Variants in WDR11 observed in about 807,000 individuals in gnomAD.
WDR11 encodes the protein WD repeat domain 11, also known as WD repeat-containing protein 11.
Under a neutral mutation model 151.2 loss-of-function variants are expected in WDR11, and 83 were observed. The ratio of observed to expected loss-of-function variants is 0.55; its 90% CI spans 0.46 to 0.66. The LOEUF (loss-of-function observed/expected upper bound fraction) is 0.66, where lower values mean the gene tolerates loss of function less well. WDR11 is among the 30% of genes least tolerant of loss of function. The probability of loss-of-function intolerance (pLI) is 0.00; values close to 1 mark genes in which losing one functional copy is unlikely to be tolerated. For synonymous variants in WDR11, 484 were observed against 533.1 expected (o/e 0.91, Z 1.27); for missense variants, 1,301 against 1,480.9 (o/e 0.88, Z 1.99).
chr10:120,886,471 TTC>T (rs1847221299), intron 15 of WDR11, among the ~76,000 whole-genome samples: 2 of 152,170 alleles, frequency 1.3e-5, no homozygotes, highest in Non-Finnish European at 2.9e-5. Context: ...AGATCACCAT[TTC>T]TCTCTGTGCA....
At position 120,901,716 on chromosome 10, in the gene WDR11, AG is replaced by A. The variant is rs549452373; in HGVS notation, c.2688-540del. On this transcript the variant is annotated intron_variant, in intron 21 of 28. Transcript: ENST00000263461. ...TATTGACGGAAAATTCAAAATAATTAGTTTTTTCTATGCAAAGATTAACATT... is the reference window on the plus strand; with the variant it reads ...TATTGACGGAAAATTCAAAATAATTATTTTTTCTATGCAAAGATTAACATT... 6.6e-5 allele frequency among the ~76,000 whole-genome samples: 10 copies of A among 152,388 alleles called. No individual in the cohort carries two copies. The South Asian group carries it at 1.2e-3, about 19-fold the overall frequency.
At chr10:120,901,000 G>A (rs751291426) in intron 20 of WDR11, 36 bp from the exon 21 acceptor site, 1 of 1,394,980 alleles carries the variant, frequency 7.2e-7, no homozygotes, top group East Asian at 2.3e-5. Context: ...TTTAAGTGAA[G>A]AGATAATGAA....
intron 19 of WDR11, among the ~76,000 whole-genome samples, chr10:120,896,508 A>C (rs1297422872): frequency 2.0e-5 from 3 of 152,222 alleles, no homozygotes; most frequent in African/African-American, 7.2e-5. Context: ...ACTGTGTAAC[A>C]ACAATATTGG....
chr10:120,854,218 C>CTACTT (rs1201656800), intron 2 of WDR11, among the ~76,000 whole-genome samples: 1 of 152,082 alleles, frequency 6.6e-6, no homozygotes, highest in African/African-American at 2.4e-5. Flanking sequence ...AACCACTGAC[C>CTACTT]TACTTTCTGT....
chr10:120,874,191 TTGTTGTTGTTGTTGTTGTTTG>T (rs1309111141), intron 11 of WDR11, among the ~76,000 whole-genome samples: 16 of 63,662 alleles, frequency 2.5e-4, no homozygotes, highest in East Asian at 8.0e-4. Context: ...TTTTTTTTTT[TTGTTGTTGTTGTTGTTGTTTG>T]TTTTGTTTTG....
chr10:120,894,528 C>T (rs935140012), intron 19 of WDR11, among the ~76,000 whole-genome samples: 11 of 152,156 alleles, frequency 7.2e-5, no homozygotes, highest in East Asian at 5.8e-4. Context: ...TCTTTTTCAC[C>T]GTTCATTGAA....
chr10:120,865,220 CA>C lies in WDR11; in HGVS notation c.879+10del, dbSNP rs1648169107. 1.2e-6 allele frequency: 2 copies of C among 1,613,076 alleles called. No individual in the cohort carries two copies. The highest frequency in any genetic ancestry group is 1.7e-6 in the Non-Finnish European group (2 of 1,179,168). On this transcript the variant is annotated intron_variant, in intron 6 of 28. Coordinates refer to ENST00000263461, the MANE Select transcript of WDR11 (RefSeq NM_018117.12). ...GGAGTTCCATTTTTACAGGTATCTA[CA>C]ATTCATAAATTATATTCCCCAAAAT...
Position 120,866,657 on chromosome 10 carries a change from G to C in WDR11, c.1083G>C (p.Met361Ile), listed in dbSNP as rs1846323598. 1 of 1,614,054 alleles carries C rather than the reference G, an allele frequency of 6.2e-7. No homozygotes were observed. Residue 361 changes from methionine (M) to isoleucine (I), a missense_variant, in exon 8 of 29, where the codon ATG becomes ATC. Met to Ile is a conservative substitution (Grantham distance 10). Transcript: ENST00000263461. ...CAAAAACCGTCCGTCCCTTCAGTAT[G>C]GTGTGCTGTCCTGTCAATGAGAATG... Reference protein sequence around the residue: ...RVTKTVRPFSMVCCPVNENAA... With the variant: ...RVTKTVRPFSIVCCPVNENAA...
At chr10:120,864,810 A>G (rs573288719) in intron 5 of WDR11, among the ~76,000 whole-genome samples, 3 of 152,262 alleles carry the variant, frequency 2.0e-5, no homozygotes, top group South Asian at 2.1e-4. Flanking sequence ...CTACTACTTA[A>G]TATTTCAAAA....
At position 120,865,056 on chromosome 10, in the gene WDR11, C is replaced by T. The variant is rs754756522; in HGVS notation, c.723C>T (p.Phe241=). 2.5e-6 allele frequency: 4 copies of T among 1,613,838 alleles called. No homozygotes were observed. In the South Asian group the frequency reaches 4.4e-5, roughly 18 times the overall value. Residue 241 remains phenylalanine (F), a synonymous_variant, in exon 6 of 29, where the codon TTC becomes TTT. Transcript: ENST00000263461. ...TGTTTACTTTTTTCAGTGCTGAATT[C>T]ATAACTCTCAATGATTGCCTTCAGT... ...LITQEKPSAE[F]ITLNDCLQLA... is the part of the protein sequence containing the mutation.
chr10:120,859,016 A>G (rs1846041460), intron 3 of WDR11, among the ~76,000 whole-genome samples: 1 of 152,184 alleles, frequency 6.6e-6, no homozygotes, highest in Non-Finnish European at 1.5e-5. Flanking sequence ...GTGCTTTGGT[A>G]AAACTCATTA....
intron 13 of WDR11, among the ~76,000 whole-genome samples, chr10:120,882,343 T>G (rs1426317394): frequency 1.3e-5 from 2 of 151,824 alleles, no homozygotes; most frequent in African/African-American, 4.8e-5. Context: ...TTGGTGTCGT[T>G]TTTATGTAAT....
chr10:120,883,950 T>C, intron 14 of WDR11, 62 bp downstream of exon 14: 1 of 1,397,736 alleles, frequency 7.2e-7, no homozygotes, highest in East Asian at 2.4e-5. Flanking sequence ...GTGAATGTTT[T>C]GCTTAAGCTT....
At chr10:120,875,652 G>A (rs193003723) in intron 11 of WDR11, among the ~76,000 whole-genome samples, 324 of 152,060 alleles carry the variant, frequency 2.1e-3, no homozygotes, top group Middle Eastern at 6.8e-3. Flanking sequence ...CTACAGGCAC[G>A]TGCCACCATG....
intron 3 of WDR11, 83 bp downstream of exon 3, chr10:120,858,879 A>C: frequency 6.5e-7 from 1 of 1,535,408 alleles, no homozygotes; most frequent in Non-Finnish European, 8.9e-7. Flanking sequence ...GTTTTCCCCC[A>C]TTCATTTAAT....
rs148704547 is a variant in WDR11, at chr10:120,860,227, T to C, written c.471T>C (p.Tyr157=). 4.2e-4 allele frequency: 680 copies of C among 1,614,220 alleles called. No homozygotes were observed. The highest frequency in any genetic ancestry group is 5.1e-4 in the Non-Finnish European group (600 of 1,180,038). Residue 157 remains tyrosine (Y), a synonymous_variant, in exon 4 of 29, where the codon TAT becomes TAC. Transcript: ENST00000263461. ...DTGTKLWKKS[Y]ADNILSFSFD... ...GCACCAAACTATGGAAGAAGAGCTA[T>C]GCAGATAACATTCTTTCTTTTTCTT...
chr10:120,851,670 A>G lies in WDR11; in HGVS notation c.86+164A>G, dbSNP rs569912252. 6.1e-5 allele frequency: 48 copies of G among 782,640 alleles called. No homozygotes were observed. The African/African-American group carries it at 7.7e-4, about 13-fold the overall frequency. The allele number at this position is 782,640 out of a possible 1,614,324, so 48.5% of individuals were successfully genotyped here. A position where few individuals can be genotyped will look rare whatever the true frequency, so the allele number is the denominator to read the frequency against. Reference sequence around the variant, plus strand: ...TCAGTTGGTGGATTTTTGTTGTTACAAAAGTGATAATAGCCCCGTGTGGGA... The same window carrying G: ...TCAGTTGGTGGATTTTTGTTGTTACGAAAGTGATAATAGCCCCGTGTGGGA... On this transcript the variant is annotated intron_variant, in intron 1 of 28. Transcript: ENST00000263461.
At position 120,866,714 on chromosome 10, in the gene WDR11, C is replaced by G; in HGVS notation, c.1140C>G (p.Val380=). 1 of 1,614,128 alleles carries G rather than the reference C, an allele frequency of 6.2e-7. No individual in the cohort carries two copies. Among genetic ancestry groups the G allele is most frequent in the Non-Finnish European group, 8.5e-7 (1 of 1,180,032 alleles). Reference sequence around the variant, plus strand: ...CCCTCGTAGTGAGTGATGGCAGGGTCATGATATGGGAACTCAAGTCTGCAG... The same window carrying G: ...CCCTCGTAGTGAGTGATGGCAGGGTGATGATATGGGAACTCAAGTCTGCAG... The part of the protein sequence containing the change: ...AAALVVSDGR[V]MIWELKSAVC... Residue 380 remains valine, a synonymous_variant, in exon 8 of 29, where the codon GTC becomes GTG. Transcript: ENST00000263461.
chr10:120,906,131 A>C (rs1339820124), intron 27 of WDR11, 110 bp downstream of exon 27: 7 of 1,591,658 alleles, frequency 4.4e-6, no homozygotes, highest in Non-Finnish European at 5.1e-6. Context: ...TGAAAGGAGA[A>C]GTATACATTT....
Sources: allele counts gnomAD v4.1 joint callset (sites outside exome capture counted in the v4.1 genomes callset), GRCh38; gene constraint gnomAD v4.1.1; transcripts MANE v1.5; gene names NCBI Gene and HGNC (gene_info 2026-07-23, HGNC 2026-07-21).